The following OPCML variants were observed in gnomAD, a reference collection of about 807,000 sequenced individuals.
The protein encoded by OPCML is opioid-binding protein/cell adhesion molecule.
In OPCML, 13 loss-of-function variants were observed where a neutral mutation model predicts 37.8. That is an observed-to-expected ratio of 0.34 (90% confidence interval 0.22 to 0.55). The LOEUF (loss-of-function observed/expected upper bound fraction) is 0.55, where lower values mean the gene tolerates loss of function less well. Ranked by LOEUF, OPCML falls within the 20% of genes least tolerant of loss-of-function variation. The pLI, the probability that OPCML is intolerant of heterozygous loss-of-function variation, is 0.91. For missense variants in OPCML, 341 were observed against 435.6 expected, an observed-to-expected ratio of 0.78 and a Z score of 1.93; for synonymous variants, 176 against 168.8, an observed-to-expected ratio of 1.04 and a Z score of -0.33.
chr11:132,656,627 C>T (rs1941720592), intron 3 of OPCML, among the ~76,000 whole-genome samples: 1 of 152,184 alleles, frequency 6.6e-6, no homozygotes, highest in African/African-American at 2.4e-5. Context: ...GCCTAAACAG[C>T]ACTCAGAGAC....
intron 1 of OPCML, among the ~76,000 whole-genome samples, chr11:133,176,650 C>T (rs953018688): frequency 6.6e-6 from 1 of 152,098 alleles, no homozygotes; most frequent in South Asian, 2.1e-4. Context: ...TCCCACTTCA[C>T]CTTCTGCTAA....
chr11:133,470,963 A>C (rs928275730), intron 1 of OPCML, among the ~76,000 whole-genome samples: 7 of 152,312 alleles, frequency 4.6e-5, no homozygotes, highest in Admixed American at 4.6e-4. Flanking sequence ...TGAGCTGTCC[A>C]CCAAATCAAC....
At chr11:132,816,208 A>T (rs961219445) in intron 2 of OPCML, among the ~76,000 whole-genome samples, 1 of 152,206 alleles carries the variant, frequency 6.6e-6, no homozygotes, top group African/African-American at 2.4e-5. Context: ...GTTTAACATG[A>T]TCATAGACAA....
chr11:132,522,136 C>T (rs1265764028), intron 4 of OPCML, among the ~76,000 whole-genome samples: 1 of 152,210 alleles, frequency 6.6e-6, no homozygotes, highest in Non-Finnish European at 1.5e-5. Context: ...TCAGGTCCAT[C>T]CAAGTTGTCA....
intron 1 of OPCML, among the ~76,000 whole-genome samples, chr11:133,493,086 C>T (rs1947700976): frequency 6.6e-6 from 1 of 152,190 alleles, no homozygotes; most frequent in African/African-American, 2.4e-5. Flanking sequence ...CCTCAAAACT[C>T]TCCAATGCAC....
intron 2 of OPCML, among the ~76,000 whole-genome samples, chr11:132,749,323 G>T (rs191824389): frequency 2.6e-5 from 4 of 152,290 alleles, no homozygotes; most frequent in African/African-American, 7.2e-5. Context: ...CAGGCTGTAA[G>T]ATATAAAAGG....
intron 1 of OPCML, among the ~76,000 whole-genome samples, chr11:133,497,877 G>T (rs1172727073): frequency 6.6e-6 from 1 of 152,152 alleles, no homozygotes; most frequent in Non-Finnish European, 1.5e-5. Flanking sequence ...TCTGAGTCCC[G>T]GCAAATTAAC....
intron 1 of OPCML, among the ~76,000 whole-genome samples, chr11:133,043,706 G>A (rs1040015100): frequency 4.6e-5 from 7 of 152,126 alleles, no homozygotes; most frequent in South Asian, 2.1e-4. Flanking sequence ...GAGTGATTGC[G>A]TGCGGTTACT....
chr11:133,244,956 A>G (rs1940867452), intron 1 of OPCML, among the ~76,000 whole-genome samples: 1 of 152,252 alleles, frequency 6.6e-6, no homozygotes, highest in Admixed American at 6.5e-5. Flanking sequence ...GATGCCTGCC[A>G]GGCAACAGGC....
intron 2 of OPCML, among the ~76,000 whole-genome samples, chr11:132,714,999 A>C (rs1944414715): frequency 6.6e-6 from 1 of 152,156 alleles, no homozygotes; most frequent in African/African-American, 2.4e-5. Flanking sequence ...TCCCTGCTCC[A>C]ATCCTAGTGA....
At chr11:132,425,451 C>T (rs188058345) in intron 7 of OPCML, among the ~76,000 whole-genome samples, 23 of 152,214 alleles carry the variant, frequency 1.5e-4, no homozygotes, top group African/African-American at 4.6e-4. Flanking sequence ...TGGACAAGAC[C>T]GCCGACTACT....
intron 1 of OPCML, chr11:133,024,905 T>G: frequency 1.0e-6 from 1 of 985,404 alleles, no homozygotes; most frequent in South Asian, 4.7e-5. Flanking sequence ...AAAGATTATC[T>G]ACAGCATACA....
chr11:132,485,347 G>T (rs1185135497), intron 4 of OPCML, among the ~76,000 whole-genome samples: 2 of 152,140 alleles, frequency 1.3e-5, no homozygotes, highest in Non-Finnish European at 2.9e-5. Context: ...CCAATTCACG[G>T]TTCTTTGTGT....
At chr11:133,443,574 T>G (rs1272694579) in intron 1 of OPCML, among the ~76,000 whole-genome samples, 3 of 152,220 alleles carry the variant, frequency 2.0e-5, no homozygotes, top group Non-Finnish European at 4.4e-5. Flanking sequence ...TAGGCCCCAT[T>G]GTACATTAGT....
chr11:133,429,407 C>T (rs983371937), intron 1 of OPCML, among the ~76,000 whole-genome samples: 6 of 152,170 alleles, frequency 3.9e-5, no homozygotes, highest in African/African-American at 1.4e-4. Context: ...CCAGATTTCA[C>T]TTTTTACTCC....
chr11:133,216,596 T>C (rs915150743), intron 1 of OPCML, among the ~76,000 whole-genome samples: 14 of 152,218 alleles, frequency 9.2e-5, no homozygotes, highest in African/African-American at 3.4e-4. Flanking sequence ...TACATTTGTA[T>C]GGTAATTTAT....
chr11:132,927,707 T>C (rs112649586), intron 2 of OPCML, among the ~76,000 whole-genome samples: 169 of 152,216 alleles, frequency 1.1e-3, no homozygotes, highest in African/African-American at 3.9e-3. Context: ...TTTTAGTTTA[T>C]AACTCCAATT....
chr11:133,445,758 C>T (rs1001061985), intron 1 of OPCML, among the ~76,000 whole-genome samples: 2 of 152,292 alleles, frequency 1.3e-5, no homozygotes, highest in East Asian at 3.9e-4. Context: ...CTCCAGAGTA[C>T]ATTTTAAGCA....
chr11:132,549,698 G>A (rs1335969435), intron 3 of OPCML, among the ~76,000 whole-genome samples: 4 of 152,176 alleles, frequency 2.6e-5, no homozygotes, highest in African/African-American at 9.7e-5. Flanking sequence ...TCTTTGATCA[G>A]CCAAGTGTAC....
Sources: allele counts gnomAD v4.1 joint callset (sites outside exome capture counted in the v4.1 genomes callset), GRCh38; gene constraint gnomAD v4.1.1; transcripts MANE v1.5; gene names NCBI Gene and HGNC (gene_info 2026-07-23, HGNC 2026-07-21).